FAM227A: variants seen among roughly 807,000 people sequenced by gnomAD.
FAM227A encodes protein FAM227A.
A neutral mutation model predicts 74.7 loss-of-function variants in FAM227A; 80 were observed. The observed-to-expected ratio is 1.07, with a 90% CI of 0.89 to 1.29. FAM227A has a LOEUF of 1.29. Among genes scored for constraint, FAM227A ranks in the 50% most tolerant of loss-of-function variants. The pLI, the probability that FAM227A is intolerant of heterozygous loss-of-function variation, is 0.00. For synonymous variants in FAM227A, 237 were observed against 241.8 expected (o/e 0.98, Z 0.19); for missense variants, 654 against 683.4 (o/e 0.96, Z 0.48).
intron 6 of FAM227A, among the ~76,000 whole-genome samples, chr22:38,633,238 C>T (rs1474920539): frequency 6.6e-6 from 1 of 152,108 alleles, no homozygotes; most frequent in African/African-American, 2.4e-5. Flanking sequence ...TCCTGGGAGC[C>T]AAAGAAAAGC....
intron 14 of FAM227A, 76 bp from the exon 15 acceptor site, chr22:38,597,432 T>C (rs1383328166): frequency 1.4e-6 from 2 of 1,410,870 alleles, no homozygotes; most frequent in African/African-American, 1.4e-5. Context: ...ATGAGCGCAG[T>C]GCATGGGGAA....
Position 38,579,646 on chromosome 22 carries a change from A to T in FAM227A, c.*6479T>A, listed in dbSNP as rs987692710. On this transcript the variant is annotated 3_prime_UTR_variant, in exon 17 of 17. Transcript: ENST00000535113. ...CTTCAACAATTTTCAACACATGGTC[A>T]ATCTTGTTTCACCTATACCTCCATC... 1 of 152,200 alleles carries T rather than the reference A, an allele frequency of 6.6e-6. No homozygotes were observed. The highest frequency in any genetic ancestry group is 1.9e-4 in the East Asian group (1 of 5,208). 9.4% of individuals were successfully genotyped at this position (152,200 alleles called of 1,614,324 possible). A position where few individuals can be genotyped will look rare whatever the true frequency, so the allele number is the denominator to read the frequency against.
intron 10 of FAM227A, among the ~76,000 whole-genome samples, chr22:38,622,077 C>T (rs891955942): frequency 6.6e-6 from 1 of 152,192 alleles, no homozygotes; most frequent in African/African-American, 2.4e-5. Context: ...ACAGTTTATC[C>T]ATTCCCTAGC....
At chr22:38,598,563 A>G (rs767138807) in intron 14 of FAM227A, among the ~76,000 whole-genome samples, 1 of 152,200 alleles carries the variant, frequency 6.6e-6, no homozygotes, top group Non-Finnish European at 1.5e-5. Flanking sequence ...GAACATGTAA[A>G]TAAGTTTGCG....
chr22:38,583,076 A>G lies in FAM227A; in HGVS notation c.*3049T>C. The G allele has an allele frequency of 9.6e-7, 1 of 1,040,540 alleles. No homozygotes were observed. Among genetic ancestry groups the G allele is most frequent in the South Asian group, 1.6e-5 (1 of 64,244 alleles). 64.5% of individuals were successfully genotyped at this position (1,040,540 alleles called of 1,614,324 possible). A position where few individuals can be genotyped will look rare whatever the true frequency, so the allele number is the denominator to read the frequency against. ...ATGAAGAGTTGACAGTGGCTGGGGT[A>G]GTAAAGGGAAGGTGAGAGAGTGTTC... On this transcript the variant is annotated 3_prime_UTR_variant, in exon 17 of 17. Transcript: ENST00000535113.
chr22:38,582,453 A>C lies in FAM227A; in HGVS notation c.*3672T>G. On this transcript the variant is annotated 3_prime_UTR_variant, in exon 17 of 17. Transcript: ENST00000535113. Reference sequence around the variant, plus strand: ...TACAATTACTCATTTGCTTTATCCCACATTACAGCAAATGCTTTTTAAATG... The same window carrying C: ...TACAATTACTCATTTGCTTTATCCCCCATTACAGCAAATGCTTTTTAAATG... 1 of 1,536,896 alleles carries C rather than the reference A, an allele frequency of 6.5e-7. No individual in the cohort carries two copies. Among genetic ancestry groups the C allele is most frequent in the Non-Finnish European group, 8.8e-7 (1 of 1,135,952 alleles).
At chr22:38,647,552 A>G (rs1475381155) in intron 2 of FAM227A, among the ~76,000 whole-genome samples, 1 of 152,176 alleles carries the variant, frequency 6.6e-6, no homozygotes. Context: ...GTATTTCTTT[A>G]TGAGAGATTT....
chr22:38,598,712 G>C (rs942245759), intron 14 of FAM227A, among the ~76,000 whole-genome samples: 16 of 152,162 alleles, frequency 1.1e-4, no homozygotes, highest in Admixed American at 3.3e-4. Flanking sequence ...TGTTGTGTCT[G>C]TAATCTGCAT....
chr22:38,588,317 T>C (rs2090851349), intron 16 of FAM227A, among the ~76,000 whole-genome samples: 1 of 152,084 alleles, frequency 6.6e-6, no homozygotes, highest in Non-Finnish European at 1.5e-5. Context: ...AGCAAGACCC[T>C]GTCTCTACAA....
chr22:38,613,168 G>GTATATATATTATATATAATA (rs1406938842), intron 11 of FAM227A, among the ~76,000 whole-genome samples: 1 of 66,696 alleles, frequency 1.5e-5, no homozygotes, highest in African/African-American at 6.8e-5. Flanking sequence ...TATCTATGCT[G>GTATATATATTATATATAATA]TATATATATT....
chr22:38,623,557 C>T (rs1335715995), intron 9 of FAM227A, among the ~76,000 whole-genome samples: 1 of 152,188 alleles, frequency 6.6e-6, no homozygotes, highest in Non-Finnish European at 1.5e-5. Flanking sequence ...GGGTGAGTCA[C>T]TTCCTCTCTA....
chr22:38,630,249 C>T (rs1002924628), intron 6 of FAM227A, among the ~76,000 whole-genome samples: 6 of 152,238 alleles, frequency 3.9e-5, no homozygotes, highest in South Asian at 2.1e-4. Context: ...CTGCAGCCTC[C>T]GCACAGGTAA....
chr22:38,618,971 G>GAA lies in FAM227A; in HGVS notation c.1038+1239_1038+1240dup, dbSNP rs1234791699. ...TGGGATTTTTTTTTCCAGCTCTTCAGAAAAAAAAAAAAAAAAGCCTTTATT... is the reference window on the plus strand; with the variant it reads ...TGGGATTTTTTTTTCCAGCTCTTCAGAAAAAAAAAAAAAAAAAAGCCTTTATT... On this transcript the variant is annotated intron_variant, in intron 11 of 16. Coordinates refer to ENST00000535113, the MANE Select transcript of FAM227A (RefSeq NM_001013647.2). 7.2e-4 allele frequency among the ~76,000 whole-genome samples: 59 copies of GAA among 81,546 alleles called. 1 individual carries two copies. The highest frequency in any genetic ancestry group is 2.1e-3 in the African/African-American group (49 of 23,334). The allele number at this position is 81,546 out of a possible 152,430, so 53.5% of individuals were successfully genotyped here.
At chr22:38,628,753 A>T (rs1218115142) in intron 7 of FAM227A, 81 bp downstream of exon 7, 2 of 864,508 alleles carry the variant, frequency 2.3e-6, no homozygotes, top group African/African-American at 3.4e-5. Flanking sequence ...AGGGGCTTGT[A>T]GCTCATGTCA....
chr22:38,636,542 C>G lies in FAM227A; in HGVS notation c.428G>C (p.Ser143Thr). Reference protein sequence around the residue: ...AELYQYSNFNSSKPNKLPNGV... With the variant: ...AELYQYSNFNTSKPNKLPNGV... ...ATTCGGAAGCTTGTTTGGCTTGGAG[C>G]TGTTGAAGTTGGAATACTGGTACAG... The change falls in exon 6 of 17, where the codon AGC becomes ACC. Residue 143 changes from serine to threonine, a missense_variant. Transcript: ENST00000535113. 1.3e-6 allele frequency: 2 copies of G among 1,551,652 alleles called. No individual in the cohort carries two copies. Among genetic ancestry groups the G allele is most frequent in the Non-Finnish European group, 8.7e-7 (1 of 1,146,980 alleles).
At chr22:38,612,108 T>A (rs1026299503) in intron 11 of FAM227A, among the ~76,000 whole-genome samples, 1 of 152,144 alleles carries the variant, frequency 6.6e-6, no homozygotes. Context: ...ACCTTCCATA[T>A]TTGTCATTTA....
rs542472865 is a variant in FAM227A, at chr22:38,627,324, T to C, written c.726+914A>G. On this transcript the variant is annotated intron_variant, in intron 8 of 16. Transcript: ENST00000535113. ...GGCTCATGCCTGTAATCCCAGCACT[T>C]TGGGAGGCCGAGGCAGGCAGATCAC... Among the ~76,000 whole-genome samples, 98 of 152,010 alleles carry C rather than the reference T, an allele frequency of 6.4e-4. 1 individual carries two copies. Among genetic ancestry groups the C allele is most frequent in the Non-Finnish European group, 4.7e-4 (32 of 67,972 alleles).
At chr22:38,591,334 A>G in intron 16 of FAM227A, 101 bp downstream of exon 16, 1 of 1,457,024 alleles carries the variant, frequency 6.9e-7, no homozygotes, top group Non-Finnish European at 9.0e-7. Flanking sequence ...GTAAAATAAA[A>G]TAAAATAAAA....
intron 15 of FAM227A, 112 bp from the exon 16 acceptor site, chr22:38,591,652 C>T (rs2146147879): frequency 1.4e-6 from 1 of 712,204 alleles, no homozygotes; most frequent in South Asian, 2.6e-5. Flanking sequence ...ACAAAACATG[C>T]ATTGAAGTAT....
Sources: gnomAD v4.1 joint callset for allele counts (sites outside exome capture counted in the v4.1 genomes callset) on GRCh38, gnomAD v4.1.1 for gene constraint, MANE v1.5 for transcripts, NCBI Gene and HGNC (gene_info 2026-07-23, HGNC 2026-07-21) for gene names.